Variants in DNAJC21 observed in about 807,000 individuals in gnomAD.
DNAJC21 encodes dnaJ homolog subfamily C member 21.
A neutral mutation model predicts 72.4 loss-of-function variants in DNAJC21; 63 were observed. The ratio of observed to expected loss-of-function variants is 0.87; its 90% CI spans 0.71 to 1.07. The LOEUF is 1.07. Among genes scored for constraint, DNAJC21 ranks in the 50% least tolerant of loss-of-function variants. The pLI is 0.00. For missense variants in DNAJC21, 634 were observed against 644.8 expected, an observed-to-expected ratio of 0.98 and a Z score of 0.18; for synonymous variants, 203 against 216.7, an observed-to-expected ratio of 0.94 and a Z score of 0.56.
intron 2 of DNAJC21, 48 bp from the exon 3 acceptor site, chr5:34,935,662 A>T (rs774941943): frequency 1.2e-6 from 2 of 1,607,888 alleles, no homozygotes; most frequent in Admixed American, 3.4e-5. Context: ...ATCCTTTTGA[A>T]TTCTTACTTA....
rs986306456 is a variant in DNAJC21 at position 34,958,717 on chromosome 5, A to G, written c.*4003A>G. The G allele has an allele frequency of 6.6e-6, 1 of 152,228 alleles. No individual in the cohort carries two copies. The highest frequency in any genetic ancestry group is 6.5e-5 in the Admixed American group (1 of 15,286). 9.4% of individuals were successfully genotyped at this position (152,228 alleles called of 1,614,324 possible). A position where few individuals can be genotyped will look rare whatever the true frequency, so the allele number is the denominator to read the frequency against. On this transcript the variant is annotated 3_prime_UTR_variant, in exon 12 of 12. Transcript: ENST00000648817. ...GTCATTGAGTAAATGACAGCCATGCATTAGAACAGCAATTCTCAAAACTTT... is the reference window on the plus strand; with the variant it reads ...GTCATTGAGTAAATGACAGCCATGCGTTAGAACAGCAATTCTCAAAACTTT...
chr5:34,937,730 G>C, intron 5 of DNAJC21, 100 bp downstream of exon 5: 1 of 1,376,478 alleles, frequency 7.3e-7, no homozygotes, highest in South Asian at 1.5e-5. Flanking sequence ...TCATCAGCCT[G>C]GCTTTATCCT....
chr5:34,941,308 C>G, intron 7 of DNAJC21, 125 bp downstream of exon 7: 3 of 814,604 alleles, frequency 3.7e-6, no homozygotes, highest in Non-Finnish European at 5.9e-6. Context: ...GATGATCCTC[C>G]CATGTCAGCC....
At position 34,937,519 on chromosome 5, in the gene DNAJC21, G is replaced by T; in HGVS notation, c.632G>T (p.Arg211Leu). 6.2e-7 allele frequency: 1 copy of T among 1,614,104 alleles called. No homozygotes were observed. The highest frequency in any genetic ancestry group is 8.5e-7 in the Non-Finnish European group (1 of 1,179,962). The change falls in exon 5 of 12, where the codon CGT becomes CTT. Residue 211 changes from arginine to leucine, a missense_variant. By Grantham distance (102) the Arg-to-Leu change is moderately radical (BLOSUM62 -2). Transcript: ENST00000648817. ...GTCCGTCAGCTGGTAGCTTTCATTC[G>T]TAAAAGAGATAAAAGAGTGCAGGCG... is the stretch of plus-strand genomic sequence containing the variant. ...ELVRQLVAFI[R>L]KRDKRVQAHR...
Position 34,930,009 on chromosome 5 carries a change from A to T in DNAJC21, c.97+93A>T. ...CCCGGGCGGACTCCGCGGAGCCAGC[A>T]GAGAGGGACCTGGCGGCCTAGGAGC... On this transcript the variant is annotated intron_variant, in intron 1 of 11. Coordinates refer to ENST00000648817, the MANE Select transcript of DNAJC21 (RefSeq NM_001012339.3). 3.9e-6 allele frequency: 4 copies of T among 1,028,996 alleles called. No individual in the cohort carries two copies. In the South Asian group the frequency reaches 8.0e-5, roughly 21 times the overall value. The allele number at this position is 1,028,996 out of a possible 1,614,324, so 63.7% of individuals were successfully genotyped here.
At chr5:34,946,076 AT>A (rs1765168515) in intron 9 of DNAJC21, among the ~76,000 whole-genome samples, 1 of 152,176 alleles carries the variant, frequency 6.6e-6, no homozygotes, top group Non-Finnish European at 1.5e-5. Context: ...AATTTTCAGT[AT>A]TTTAAAAATC....
At position 34,939,143 on chromosome 5, in the gene DNAJC21, C is replaced by T. The variant is rs866867553; in HGVS notation, c.895+134C>T. 296 of 785,332 alleles carry T rather than the reference C, an allele frequency of 3.8e-4. No homozygotes were observed. The Middle Eastern group carries it at 5.4e-3, about 14-fold the overall frequency. The allele number at this position is 785,332 out of a possible 1,614,324, so 48.6% of individuals were successfully genotyped here. On this transcript the variant is annotated intron_variant, in intron 6 of 11. Transcript: ENST00000648817. The stretch of plus-strand genomic sequence containing the variant: ...TAATGTTGTATGGGCCAAAGGTAGT[C>T]GGCTGAGCTAGTCTAATTCAAGTAA...
chr5:34,942,753 AT>A (rs578253468), intron 7 of DNAJC21, among the ~76,000 whole-genome samples: 85 of 152,276 alleles, frequency 5.6e-4, no homozygotes, highest in African/African-American at 1.9e-3. Flanking sequence ...TTACCTCTAA[AT>A]ACTTCACTAT....
Position 34,957,441 on chromosome 5 carries a change from G to A in DNAJC21, c.*2727G>A, listed in dbSNP as rs1225578888. ...GAGCAGTATCCTTAGCTCTAGCCAA[G>A]CATTTTTCTAATTCCTGCCTTTGGT... On this transcript the variant is annotated 3_prime_UTR_variant, in exon 12 of 12. Transcript: ENST00000648817. The A allele has an allele frequency of 6.6e-6, 1 of 152,200 alleles. No homozygotes were observed. The highest frequency in any genetic ancestry group is 2.4e-5 in the African/African-American group (1 of 41,442). 9.4% of individuals were successfully genotyped at this position (152,200 alleles called of 1,614,324 possible). A position where few individuals can be genotyped will look rare whatever the true frequency, so the allele number is the denominator to read the frequency against.
At chr5:34,934,237 G>GT (rs991617381) in intron 2 of DNAJC21, among the ~76,000 whole-genome samples, 14 of 150,554 alleles carry the variant, frequency 9.3e-5, no homozygotes, top group Middle Eastern at 3.4e-3. Flanking sequence ...TTCGTTTTTT[G>GT]TTTTTTTTTG....
chr5:34,939,013 ATAT>A lies in DNAJC21; in HGVS notation c.895+9_895+11del, dbSNP rs2112046196. The A allele has an allele frequency of 1.3e-6, 2 of 1,541,894 alleles. No homozygotes were observed. Among genetic ancestry groups the A allele is most frequent in the Non-Finnish European group, 1.7e-6 (2 of 1,149,608 alleles). ...GAACTCAAAGATGAGGAGGATGGTAATATTATTTTTATTTTATTTATCTTTTTT... is the reference window on the plus strand; with the variant it reads ...GAACTCAAAGATGAGGAGGATGGTAATATTTTTATTTTATTTATCTTTTTT... On this transcript the variant is annotated splice_donor_5th_base_variant and intron_variant, in intron 6 of 11. Coordinates refer to ENST00000648817, the MANE Select transcript of DNAJC21 (RefSeq NM_001012339.3).
At chr5:34,938,781 G>T in intron 5 of DNAJC21, 77 bp from the exon 6 acceptor site, 1 of 1,415,670 alleles carries the variant, frequency 7.1e-7, no homozygotes, top group Non-Finnish European at 9.3e-7. Context: ...AGTGGGAATG[G>T]ATTTTAAACC....
At position 34,945,704 on chromosome 5, in the gene DNAJC21, T is replaced by C. The variant is rs1360022967; in HGVS notation, c.1143-57T>C. ...ACTAGTGTTTCAACTTTTTTTTTTT[T>C]CCACTTACTCTTCACAGAGTCAAGT... On this transcript the variant is annotated intron_variant, in intron 8 of 11. Coordinates refer to ENST00000648817, the MANE Select transcript of DNAJC21 (RefSeq NM_001012339.3). 4.1e-6 allele frequency: 6 copies of C among 1,479,130 alleles called. No homozygotes were observed. The South Asian group carries it at 7.0e-5, about 17-fold the overall frequency. 91.6% of individuals were successfully genotyped at this position (1,479,130 alleles called of 1,614,324 possible).
At chr5:34,931,619 G>A (rs1364857550) in intron 1 of DNAJC21, among the ~76,000 whole-genome samples, 1 of 149,756 alleles carries the variant, frequency 6.7e-6, no homozygotes, top group Non-Finnish European at 1.5e-5. Flanking sequence ...ATTAGCCCAA[G>A]GACTGTGAAA....
At chr5:34,954,446 C>A in intron 11 of DNAJC21, 107 bp from the exon 12 acceptor site, 1 of 1,352,832 alleles carries the variant, frequency 7.4e-7, no homozygotes. Context: ...TCTGTTAAAA[C>A]ATCTTTATTT....
At chr5:34,954,308 C>T (rs1765469383) in intron 11 of DNAJC21, 3 of 487,736 alleles carry the variant, frequency 6.2e-6, no homozygotes, top group Non-Finnish European at 7.0e-6. Context: ...ATAAACTCTT[C>T]CTCTTTTTTA....
intron 1 of DNAJC21, among the ~76,000 whole-genome samples, chr5:34,932,733 C>T (rs1479698567): frequency 2.0e-5 from 3 of 152,232 alleles, no homozygotes; most frequent in Non-Finnish European, 2.9e-5. Flanking sequence ...AGTGCTCTGC[C>T]GGCTATTGGC....
intron 9 of DNAJC21, chr5:34,949,775 A>C (rs913060392): frequency 1.9e-6 from 3 of 1,541,432 alleles, no homozygotes; most frequent in Non-Finnish European, 2.6e-6. Context: ...CTCATTGCTT[A>C]TCATTTGGAA....
chr5:34,944,837 G>A (rs369012836), intron 7 of DNAJC21, 30 bp from the exon 8 acceptor site: 196 of 1,610,036 alleles, frequency 1.2e-4, no homozygotes, highest in Non-Finnish European at 1.4e-4. Context: ...TAATTTTAGC[G>A]CAGCTGCTCA....
Sources: allele counts gnomAD v4.1 joint callset (sites outside exome capture counted in the v4.1 genomes callset), GRCh38; gene constraint gnomAD v4.1.1; transcripts MANE v1.5; gene names NCBI Gene and HGNC (gene_info 2026-07-23, HGNC 2026-07-21).